DCDC1: variants seen among roughly 807,000 people sequenced by gnomAD.
The protein encoded by DCDC1 is doublecortin domain-containing protein 1.
DCDC1 carries 200 observed loss-of-function variants against 178.3 expected under a neutral mutation model. The observed-to-expected ratio is 1.12, with a 90% CI of 1.00 to 1.26. DCDC1 has a LOEUF of 1.26. DCDC1 is among the 50% of genes most tolerant of loss of function. The probability of loss-of-function intolerance (pLI) is 0.00; values close to 1 mark genes in which losing one functional copy is unlikely to be tolerated. For synonymous variants in DCDC1, 690 were observed against 604.8 expected, an observed-to-expected ratio of 1.14 and a Z score of -2.07; for missense variants, 1,983 against 1,749.2, an observed-to-expected ratio of 1.13 and a Z score of -2.38.
intron 20 of DCDC1, among the ~76,000 whole-genome samples, chr11:30,967,166 G>A (rs1949482411): frequency 9.6e-6 from 1 of 104,706 alleles, no homozygotes; most frequent in African/African-American, 3.8e-5. Context: ...TGATGGGGAT[G>A]GCATTGAATC....
intron 11 of DCDC1, among the ~76,000 whole-genome samples, chr11:31,119,947 C>T (rs576299161): frequency 3.3e-5 from 5 of 152,140 alleles, no homozygotes; most frequent in Admixed American, 6.5e-5. Context: ...TGAAAATAAT[C>T]GTGGCCTTGG....
chr11:31,148,234 A>C (rs893846686), intron 9 of DCDC1, among the ~76,000 whole-genome samples: 1 of 141,478 alleles, frequency 7.1e-6, no homozygotes, highest in Non-Finnish European at 1.6e-5. Context: ...AAAAAAAAAA[A>C]CAGGAAAGGA....
chr11:30,875,838 C>G (rs548639103), intron 38 of DCDC1, among the ~76,000 whole-genome samples: 12 of 152,222 alleles, frequency 7.9e-5, no homozygotes, highest in Non-Finnish European at 1.2e-4. Context: ...CATTTTGAAT[C>G]ATTACTAATA....
chr11:31,252,528 T>C (rs1046448014), intron 8 of DCDC1, among the ~76,000 whole-genome samples: 2 of 151,996 alleles, frequency 1.3e-5, no homozygotes, highest in African/African-American at 4.8e-5. Context: ...CATACTGACC[T>C]GGAAAAAAAG....
chr11:31,012,460 C>A (rs940020041), intron 20 of DCDC1, among the ~76,000 whole-genome samples: 6 of 151,706 alleles, frequency 4.0e-5, no homozygotes, highest in Non-Finnish European at 7.4e-5. Flanking sequence ...TTTTTAATTA[C>A]CCAGGCATGG....
chr11:31,115,283 G>T (rs1347794826), intron 11 of DCDC1, among the ~76,000 whole-genome samples: 1 of 152,112 alleles, frequency 6.6e-6, no homozygotes, highest in Non-Finnish European at 1.5e-5. Context: ...AAGGACTTGT[G>T]CAAGGCCTAG....
intron 20 of DCDC1, among the ~76,000 whole-genome samples, chr11:31,060,048 A>C (rs1955826533): frequency 6.6e-6 from 1 of 152,062 alleles, no homozygotes; most frequent in Admixed American, 6.6e-5. Flanking sequence ...ACCTTGAATA[A>C]AGAAAAAAGC....
At chr11:30,968,337 T>A (rs1949563294) in intron 20 of DCDC1, among the ~76,000 whole-genome samples, 1 of 152,098 alleles carries the variant, frequency 6.6e-6, no homozygotes, top group South Asian at 2.1e-4. Context: ...ATTTACTCAA[T>A]GAATGAATAA....
chr11:31,011,718 C>T (rs1952181290), intron 20 of DCDC1, among the ~76,000 whole-genome samples: 1 of 152,146 alleles, frequency 6.6e-6, no homozygotes, highest in South Asian at 2.1e-4. Context: ...ATTCCACCTC[C>T]AGGCTAGAGA....
intron 20 of DCDC1, among the ~76,000 whole-genome samples, chr11:30,958,768 A>G (rs762679334): frequency 3.3e-5 from 5 of 152,000 alleles, no homozygotes; most frequent in Non-Finnish European, 7.4e-5. Flanking sequence ...CTGGGTACTG[A>G]TTTTCACTGT....
intron 9 of DCDC1, among the ~76,000 whole-genome samples, chr11:31,239,033 A>G (rs1976790848): frequency 6.6e-6 from 1 of 152,140 alleles, no homozygotes; most frequent in African/African-American, 2.4e-5. Context: ...TTTGGGAATG[A>G]CAAAATTTAA....
rs561543235 is a variant in DCDC1, at chr11:31,171,230, C to T, written c.1222-33446G>A. On this transcript the variant is annotated intron_variant, in intron 9 of 38. Coordinates refer to ENST00000684477, the MANE Select transcript of DCDC1 (RefSeq NM_001387274.1). ...CATCACTGGAACAGGAGAAGCTAGA[C>T]ATTTTCTTTAAAGGGCCAGATAACA... Among the ~76,000 whole-genome samples the T allele has an allele frequency of 3.9e-5, 6 of 152,178 alleles. No individual in the cohort carries two copies. In the South Asian group the frequency reaches 1.2e-3, roughly 32 times the overall value.
chr11:31,014,467 A>G (rs1232950571), intron 20 of DCDC1, among the ~76,000 whole-genome samples: 2 of 152,254 alleles, frequency 1.3e-5, no homozygotes, highest in East Asian at 3.9e-4. Flanking sequence ...CAGCTTGACT[A>G]CAGCCTCATG....
chr11:31,290,569 G>T, intron 7 of DCDC1, 78 bp downstream of exon 7: 1 of 1,373,962 alleles, frequency 7.3e-7, no homozygotes, highest in Non-Finnish European at 9.8e-7. Flanking sequence ...TCGATATTTA[G>T]AAGAAGAAAA....
chr11:30,991,311 C>T (rs1950967360), intron 20 of DCDC1, among the ~76,000 whole-genome samples: 1 of 152,116 alleles, frequency 6.6e-6, no homozygotes, highest in African/African-American at 2.4e-5. Flanking sequence ...AGAGTGTACA[C>T]CTTAACCATA....
chr11:31,335,015 T>G (rs1470562655), intron 2 of DCDC1, among the ~76,000 whole-genome samples: 1 of 152,076 alleles, frequency 6.6e-6, no homozygotes, highest in African/African-American at 2.4e-5. Flanking sequence ...AGAGGTGGGG[T>G]CTAGACACAG....
At chr11:31,219,979 C>T (rs1974058180) in intron 9 of DCDC1, among the ~76,000 whole-genome samples, 1 of 152,052 alleles carries the variant, frequency 6.6e-6, no homozygotes, top group Non-Finnish European at 1.5e-5. Flanking sequence ...ACTCCAGCCC[C>T]CACACCTGAA....
intron 7 of DCDC1, among the ~76,000 whole-genome samples, chr11:31,275,899 T>G (rs113187704): frequency 1.3e-5 from 2 of 152,336 alleles, no homozygotes; most frequent in African/African-American, 4.8e-5. Context: ...AGCAGGGGCT[T>G]CTGGGAAAGG....
intron 9 of DCDC1, among the ~76,000 whole-genome samples, chr11:31,224,172 T>A (rs1373052526): frequency 1.3e-5 from 2 of 152,066 alleles, no homozygotes; most frequent in Non-Finnish European, 2.9e-5. Context: ...AAAACTCTTT[T>A]TCTTCCCAGT....
Sources: allele counts gnomAD v4.1 joint callset (sites outside exome capture counted in the v4.1 genomes callset), GRCh38; gene constraint gnomAD v4.1.1; transcripts MANE v1.5; gene names NCBI Gene and HGNC (gene_info 2026-07-23, HGNC 2026-07-21).